The following KCNH1 variants were observed in gnomAD, a reference collection of about 807,000 sequenced individuals.
KCNH1 encodes the protein potassium voltage-gated channel subfamily H member 1.
In KCNH1, 27 loss-of-function variants were observed where a neutral mutation model predicts 69.2. The ratio of observed to expected loss-of-function variants is 0.39; its 90% CI spans 0.29 to 0.54. The LOEUF is 0.54. KCNH1 is among the 20% of genes least tolerant of loss of function. KCNH1 has a pLI of 0.68. For missense variants in KCNH1, 798 were observed against 1,261.6 expected (o/e 0.63, Z 5.57); for synonymous variants, 456 against 487.7 (o/e 0.93, Z 0.86).
intron 7 of KCNH1, among the ~76,000 whole-genome samples, chr1:210,883,618 G>A (rs1289889423): frequency 6.6e-6 from 1 of 152,218 alleles, no homozygotes; most frequent in Non-Finnish European, 1.5e-5. Context: ...AGCCAGCCTG[G>A]CTTAAAGTGC....
intron 6 of KCNH1, among the ~76,000 whole-genome samples, chr1:210,955,625 G>A (rs1253180830): frequency 6.6e-6 from 1 of 152,146 alleles, no homozygotes; most frequent in Non-Finnish European, 1.5e-5. Flanking sequence ...CACATCCCTT[G>A]TAAGATGGAT....
At chr1:211,095,061 G>A (rs1459943377) in intron 3 of KCNH1, among the ~76,000 whole-genome samples, 1 of 152,172 alleles carries the variant, frequency 6.6e-6, no homozygotes, top group African/African-American at 2.4e-5. Flanking sequence ...GACAGAGCTT[G>A]GGGCAAGTAG....
intron 10 of KCNH1, among the ~76,000 whole-genome samples, chr1:210,741,742 C>T (rs1183049576): frequency 6.6e-6 from 1 of 152,164 alleles, no homozygotes; most frequent in African/African-American, 2.4e-5. Flanking sequence ...CCAGCCCTGT[C>T]TCAGGTACCA....
chr1:210,682,990 G>T lies in KCNH1; in HGVS notation c.*291C>A. 1 of 370,244 alleles carries T rather than the reference G, an allele frequency of 2.7e-6. No homozygotes were observed. Among genetic ancestry groups the T allele is most frequent in the African/African-American group, 2.1e-5 (1 of 48,522 alleles). The allele number at this position is 370,244 out of a possible 1,614,324, so 22.9% of individuals were successfully genotyped here. On this transcript the variant is annotated 3_prime_UTR_variant, in exon 11 of 11. Coordinates refer to ENST00000271751, the MANE Select transcript of KCNH1 (RefSeq NM_172362.3). ...GTTTTAATCTTTTACAAATATCATGGTAGTAAAAAATTAAAAATGAAGGAA... is the reference window on the plus strand; with the variant it reads ...GTTTTAATCTTTTACAAATATCATGTTAGTAAAAAATTAAAAATGAAGGAA...
At chr1:211,030,972 T>C (rs1689772289) in intron 5 of KCNH1, among the ~76,000 whole-genome samples, 1 of 151,826 alleles carries the variant, frequency 6.6e-6, no homozygotes, top group Non-Finnish European at 1.5e-5. Flanking sequence ...AGATAACCAA[T>C]AAGCACATGA....
At chr1:211,014,375 A>G (rs1261264708) in intron 6 of KCNH1, among the ~76,000 whole-genome samples, 2 of 152,180 alleles carry the variant, frequency 1.3e-5, no homozygotes, top group Admixed American at 1.3e-4. Context: ...GAACATTTTA[A>G]CTAATGTGCA....
At chr1:211,122,910 A>G (rs1691714116) in intron 1 of KCNH1, among the ~76,000 whole-genome samples, 1 of 152,158 alleles carries the variant, frequency 6.6e-6, no homozygotes, top group African/African-American at 2.4e-5. Flanking sequence ...GTATGTAACA[A>G]ACCTGCACGT....
At chr1:210,961,416 A>G (rs1345734953) in intron 6 of KCNH1, among the ~76,000 whole-genome samples, 1 of 152,134 alleles carries the variant, frequency 6.6e-6, no homozygotes, top group African/African-American at 2.4e-5. Flanking sequence ...CTAATCCAGT[A>G]TAAAACCCAT....
At chr1:210,941,160 T>A (rs1431155285) in intron 6 of KCNH1, among the ~76,000 whole-genome samples, 1 of 152,206 alleles carries the variant, frequency 6.6e-6, no homozygotes, top group Non-Finnish European at 1.5e-5. Flanking sequence ...AGGAAGCGGC[T>A]GGGTCTCCTA....
chr1:211,132,327 T>C (rs796447014), intron 1 of KCNH1, among the ~76,000 whole-genome samples: 75 of 152,352 alleles, frequency 4.9e-4, no homozygotes, highest in African/African-American at 1.7e-3. Context: ...ACTCCAGCTT[T>C]TTTATGGCAA....
At chr1:211,057,512 G>T (rs965456337) in intron 5 of KCNH1, among the ~76,000 whole-genome samples, 42 of 152,002 alleles carry the variant, frequency 2.8e-4, no homozygotes, top group African/African-American at 6.8e-4. Flanking sequence ...TATGGCGTTT[G>T]CTTGTAGTCC....
intron 10 of KCNH1, among the ~76,000 whole-genome samples, chr1:210,706,536 A>G (rs528783295): frequency 5.9e-5 from 9 of 152,340 alleles, no homozygotes; most frequent in Admixed American, 4.6e-4. Flanking sequence ...ATTTAATTAG[A>G]ACCACAAACT....
intron 7 of KCNH1, among the ~76,000 whole-genome samples, chr1:210,905,961 C>T (rs1018932005): frequency 1.2e-4 from 18 of 152,292 alleles, no homozygotes; most frequent in African/African-American, 2.9e-4. Context: ...CTTAGTCCAG[C>T]GTAAAGCCCT....
intron 5 of KCNH1, among the ~76,000 whole-genome samples, chr1:211,066,832 C>T (rs142239767): frequency 6.6e-6 from 1 of 152,184 alleles, no homozygotes; most frequent in Non-Finnish European, 1.5e-5. Context: ...AACTGCAGAA[C>T]ATACATATGG....
intron 7 of KCNH1, among the ~76,000 whole-genome samples, chr1:210,856,817 T>TAC (rs1685851983): frequency 1.5e-5 from 2 of 131,802 alleles, no homozygotes; most frequent in Non-Finnish European, 3.2e-5. Flanking sequence ...ATATATTATA[T>TAC]ATATTTTATA....
intron 7 of KCNH1, among the ~76,000 whole-genome samples, chr1:210,886,725 C>G (rs769366323): frequency 1.3e-5 from 2 of 151,710 alleles, no homozygotes; most frequent in Non-Finnish European, 2.9e-5. Flanking sequence ...AACTGAAAAA[C>G]ACACCACGAG....
chr1:210,738,581 T>C (rs1225411859), intron 10 of KCNH1, among the ~76,000 whole-genome samples: 25 of 124,868 alleles, frequency 2.0e-4, no homozygotes, highest in African/African-American at 8.4e-4. Flanking sequence ...TTTTTTTTTT[T>C]CTGAGACAGG....
chr1:210,693,305 C>T (rs963850044), intron 10 of KCNH1, among the ~76,000 whole-genome samples: 18 of 152,250 alleles, frequency 1.2e-4, no homozygotes, highest in African/African-American at 4.3e-4. Context: ...TATTCCCACA[C>T]TAAGCATGGG....
At chr1:210,880,557 A>G (rs192123418) in intron 7 of KCNH1, among the ~76,000 whole-genome samples, 113 of 152,330 alleles carry the variant, frequency 7.4e-4, no homozygotes, top group African/African-American at 2.6e-3. Flanking sequence ...ATCTAGACAC[A>G]GACCATACAC....
Sources: gnomAD v4.1 joint callset for allele counts (sites outside exome capture counted in the v4.1 genomes callset) on GRCh38, gnomAD v4.1.1 for gene constraint, MANE v1.5 for transcripts, NCBI Gene and HGNC (gene_info 2026-07-23, HGNC 2026-07-21) for gene names.